The following PKHD1 variants were observed in gnomAD, a reference collection of about 807,000 sequenced individuals.
PKHD1 encodes fibrocystin.
Under a neutral mutation model 412.0 loss-of-function variants are expected in PKHD1, and 291 were observed. That is an observed-to-expected ratio of 0.71 (90% CI 0.64 to 0.78). PKHD1 has a LOEUF of 0.78. Among genes scored for constraint, PKHD1 ranks in the 30% least tolerant of loss-of-function variants. The probability of loss-of-function intolerance (pLI) is 0.00; values close to 1 mark genes in which losing one functional copy is unlikely to be tolerated. For missense variants in PKHD1, 4,825 were observed against 4,950.7 expected (o/e 0.97, Z 0.76); for synonymous variants, 1,777 against 1,821.5 (o/e 0.98, Z 0.62).
intron 55 of PKHD1, among the ~76,000 whole-genome samples, chr6:51,762,662 TA>T (rs1304963593): frequency 4.3e-4 from 32 of 75,218 alleles, no homozygotes; most frequent in South Asian, 1.6e-3. Flanking sequence ...TATATATATA[TA>T]TATTTTCAGG....
At position 52,026,161 on chromosome 6, in the gene PKHD1, A is replaced by T; in HGVS notation, c.3649T>A (p.Ser1217Thr). 6.2e-7 allele frequency: 1 copy of T among 1,614,098 alleles called. No individual in the cohort carries two copies. Among genetic ancestry groups the T allele is most frequent in the South Asian group, 1.1e-5 (1 of 91,088 alleles). Residue 1217 changes from serine to threonine, a missense_variant, in exon 32 of 67, where the codon TCA becomes ACA. Physicochemically the swap from Ser to Thr is moderately conservative, Grantham distance 58. Transcript: ENST00000371117. ...GGGTCCCTGCTGAAGCCTATTCCTG[A>T]GATGCTGAGGATGGTCCCTCCTAAA... ...SLLGGTILSI[S>T]GIGFSRDPAL...
intron 60 of PKHD1, among the ~76,000 whole-genome samples, chr6:51,704,542 A>T (rs995323129): frequency 2.6e-5 from 4 of 152,102 alleles, no homozygotes; most frequent in Non-Finnish European, 5.9e-5. Context: ...CTCACACCAA[A>T]GCAGTAGCAA....
At chr6:51,718,448 C>G (rs1781517571) in intron 60 of PKHD1, among the ~76,000 whole-genome samples, 1 of 152,202 alleles carries the variant, frequency 6.6e-6, no homozygotes, top group South Asian at 2.1e-4. Flanking sequence ...TCACAAAATA[C>G]TGTCACAGCC....
At chr6:51,975,786 T>C (rs1794325859) in intron 35 of PKHD1, 1 of 151,568 alleles carries the variant, frequency 6.6e-6, no homozygotes, top group Admixed American at 6.6e-5. Context: ...GTTCAGCATC[T>C]ATATGGGACC....
At chr6:51,687,999 A>G (rs1320190438) in intron 60 of PKHD1, among the ~76,000 whole-genome samples, 5 of 152,208 alleles carry the variant, frequency 3.3e-5, no homozygotes, top group African/African-American at 1.2e-4. Context: ...TAGACTTGAG[A>G]AAGGGCTGGT....
rs1785442704 is a variant in PKHD1, at chr6:51,747,943, T to C, written c.9673A>G (p.Asn3225Asp). ...GGAGCTCTATCTGTTGATGTCAAGTTGGCTGAGTGCGGCTTCACTTTGTCC... is the reference window on the plus strand; with the variant it reads ...GGAGCTCTATCTGTTGATGTCAAGTCGGCTGAGTGCGGCTTCACTTTGTCC... ...IQDKVKPHSA[N>D]LTSTDRAPSN... is the part of the protein sequence containing the mutation. Residue 3225 changes from asparagine (N) to aspartate (D), a missense_variant, in exon 58 of 67, where the codon AAC becomes GAC. Asn to Asp is a conservative substitution (Grantham distance 23). Transcript: ENST00000371117. The C allele has an allele frequency of 1.2e-6, 2 of 1,613,954 alleles. 1 individual carries two copies. Among genetic ancestry groups the C allele is most frequent in the Admixed American group, 3.3e-5 (2 of 59,972 alleles).
intron 50 of PKHD1, among the ~76,000 whole-genome samples, chr6:51,846,588 A>C (rs1329494197): frequency 2.0e-5 from 3 of 152,218 alleles, no homozygotes; most frequent in Non-Finnish European, 4.4e-5. Flanking sequence ...ATAGAAAAGG[A>C]ATATGAAATA....
intron 46 of PKHD1, among the ~76,000 whole-genome samples, 169 bp from the exon 47 acceptor site, chr6:51,870,808 GAACT>G (rs1775871156): frequency 6.6e-6 from 1 of 151,490 alleles, no homozygotes. Flanking sequence ...AATATAGAAA[GAACT>G]CTTAGGTTTC....
At position 52,062,678 on chromosome 6, in the gene PKHD1, C is replaced by G; in HGVS notation, c.977-18G>C. The G allele has an allele frequency of 6.2e-7, 1 of 1,613,924 alleles. No homozygotes were observed. The highest frequency in any genetic ancestry group is 8.5e-7 in the Non-Finnish European group (1 of 1,179,878). ...TCGATTGCCTGTAAGACATGTAGATCGCATAAACATTACAGGGCGCACCTT... is the reference window on the plus strand; with the variant it reads ...TCGATTGCCTGTAAGACATGTAGATGGCATAAACATTACAGGGCGCACCTT... On this transcript the variant is annotated intron_variant, in intron 13 of 66. Coordinates refer to ENST00000371117, the MANE Select transcript of PKHD1 (RefSeq NM_138694.4).
At position 52,082,423 on chromosome 6, in the gene PKHD1, A is replaced by G; in HGVS notation, c.250T>C (p.Leu84=). 6.2e-7 allele frequency: 1 copy of G among 1,614,180 alleles called. No individual in the cohort carries two copies. Among genetic ancestry groups the G allele is most frequent in the Non-Finnish European group, 8.5e-7 (1 of 1,179,996 alleles). ...SVPCDVFPVF[L]DLPVVTCRTR... ...CGGCATGTCACCACAGGCAAATCCAAGAAAACAGGAAAGACGTCACAGGGA... is the reference window on the plus strand; with the variant it reads ...CGGCATGTCACCACAGGCAAATCCAGGAAAACAGGAAAGACGTCACAGGGA... The change falls in exon 4 of 67, where the codon TTG becomes CTG. Residue 84 remains leucine (L), a synonymous_variant. Transcript: ENST00000371117.
intron 24 of PKHD1, 98 bp downstream of exon 24, chr6:52,045,906 A>G: frequency 1.2e-6 from 1 of 860,070 alleles, no homozygotes; most frequent in Admixed American, 1.9e-5. Context: ...AAAATTAATA[A>G]TTCATGACAG....
intron 60 of PKHD1, among the ~76,000 whole-genome samples, chr6:51,713,499 G>A (rs1047365975): frequency 1.3e-5 from 2 of 152,160 alleles, no homozygotes; most frequent in African/African-American, 4.8e-5. Context: ...AGAGAGGGAA[G>A]GGCAATGTAA....
At chr6:51,685,392 T>G (rs1402475704) in intron 60 of PKHD1, among the ~76,000 whole-genome samples, 1 of 152,176 alleles carries the variant, frequency 6.6e-6, no homozygotes, top group East Asian at 1.9e-4. Flanking sequence ...GTCTATGGGC[T>G]GATTATACGC....
At chr6:51,729,375 T>A (rs1279128473) in intron 60 of PKHD1, among the ~76,000 whole-genome samples, 1 of 152,214 alleles carries the variant, frequency 6.6e-6, no homozygotes, top group Non-Finnish European at 1.5e-5. Flanking sequence ...TAGTTTTCCA[T>A]ATAAATGAGT....
chr6:51,981,328 C>CGT (rs1562046176), intron 35 of PKHD1, among the ~76,000 whole-genome samples: 4 of 26,282 alleles, frequency 1.5e-4, no homozygotes, highest in Non-Finnish European at 2.5e-4. Context: ...TCTCCCTCTC[C>CGT]CTCTCCCTCT....
intron 35 of PKHD1, among the ~76,000 whole-genome samples, chr6:51,974,827 C>T (rs1794157369): frequency 1.3e-5 from 2 of 152,096 alleles, no homozygotes; most frequent in South Asian, 4.2e-4. Flanking sequence ...TGTAACCAAA[C>T]ACCACCTGTT....
intron 36 of PKHD1, among the ~76,000 whole-genome samples, chr6:51,955,926 A>C (rs1436629584): frequency 6.6e-6 from 1 of 152,084 alleles, no homozygotes; most frequent in Admixed American, 6.6e-5. Flanking sequence ...GTATATGAAA[A>C]AGATAGTAAC....
intron 61 of PKHD1, among the ~76,000 whole-genome samples, chr6:51,656,163 A>C (rs986360047): frequency 5.3e-5 from 8 of 152,218 alleles, no homozygotes; most frequent in Admixed American, 5.2e-4. Context: ...ATGCAGTCAT[A>C]AAAAAGAATC....
At chr6:51,665,070 CAG>C (rs942841507) in intron 60 of PKHD1, among the ~76,000 whole-genome samples, 1 of 151,972 alleles carries the variant, frequency 6.6e-6, no homozygotes, top group Non-Finnish European at 1.5e-5. Flanking sequence ...TTCTTTGGTT[CAG>C]ATCTTCTTGA....
Sources: gnomAD v4.1 joint callset for allele counts (sites outside exome capture counted in the v4.1 genomes callset) on GRCh38, gnomAD v4.1.1 for gene constraint, MANE v1.5 for transcripts, NCBI Gene and HGNC (gene_info 2026-07-23, HGNC 2026-07-21) for gene names.